FARP1: variants seen among roughly 807,000 people sequenced by gnomAD.
FARP1 encodes the protein FERM, ARH/RhoGEF and pleckstrin domain protein 1.
A neutral mutation model predicts 128.8 loss-of-function variants in FARP1; 52 were observed. The ratio of observed to expected loss-of-function variants is 0.40; its 90% CI spans 0.32 to 0.51. The LOEUF (loss-of-function observed/expected upper bound fraction) is 0.51. FARP1 is among the 20% of genes least tolerant of loss of function. FARP1 has a pLI of 0.45. For missense variants in FARP1, 1,333 were observed against 1,367.9 expected, an observed-to-expected ratio of 0.97 and a Z score of 0.40; for synonymous variants, 580 against 551.8, an observed-to-expected ratio of 1.05 and a Z score of -0.72.
At chr13:98,425,922 C>G (rs981322670) in intron 17 of FARP1, among the ~76,000 whole-genome samples, 1 of 152,134 alleles carries the variant, frequency 6.6e-6, no homozygotes, top group Non-Finnish European at 1.5e-5. Flanking sequence ...TACCTGTACT[C>G]ACATTTTAAA....
At chr13:98,273,318 C>A (rs1178718698) in intron 2 of FARP1, among the ~76,000 whole-genome samples, 1 of 152,158 alleles carries the variant, frequency 6.6e-6, no homozygotes, top group Non-Finnish European at 1.5e-5. Flanking sequence ...GGGACTTAAT[C>A]CTTGTCTGTT....
At chr13:98,431,690 G>A (rs1892035266) in intron 18 of FARP1, 1 of 155,322 alleles carries the variant, frequency 6.4e-6, no homozygotes, top group Non-Finnish European at 1.4e-5. Flanking sequence ...TCGAACTCCT[G>A]ACCTTGTGAT....
rs75016317 is a variant in FARP1 at position 98,206,446 on chromosome 13, G to A, written c.-23-6774G>A. Among the ~76,000 whole-genome samples, 770 of 152,232 alleles carry A rather than the reference G, an allele frequency of 5.1e-3. 7 individuals carry two copies. Among genetic ancestry groups the A allele is most frequent in the African/African-American group, 0.017 (722 of 41,540 alleles). ...TGTTATTCCAAGAAAGTTATGACTG[G>A]TTTGCTGCTTATTTGAAGCTCCGCC... On this transcript the variant is annotated intron_variant, in intron 1 of 26. Transcript: ENST00000319562.
intron 1 of FARP1, among the ~76,000 whole-genome samples, chr13:98,169,255 G>C (rs1877488736): frequency 6.6e-6 from 1 of 152,114 alleles, no homozygotes; most frequent in Non-Finnish European, 1.5e-5. Flanking sequence ...TCTAGGCGTA[G>C]TTCACAACCA....
At chr13:98,329,236 C>G (rs1221660710) in intron 2 of FARP1, 1 of 152,208 alleles carries the variant, frequency 6.6e-6, no homozygotes, top group African/African-American at 2.4e-5. Flanking sequence ...GTTTCCCTAT[C>G]GAAAGAATGT....
At chr13:98,376,119 T>G (rs1361037299) in intron 5 of FARP1, among the ~76,000 whole-genome samples, 1 of 152,196 alleles carries the variant, frequency 6.6e-6, no homozygotes, top group Non-Finnish European at 1.5e-5. Flanking sequence ...CCTTAAGTAT[T>G]TATCCTTTGT....
At chr13:98,388,761 A>C (rs1158422660) in intron 9 of FARP1, among the ~76,000 whole-genome samples, 1 of 152,206 alleles carries the variant, frequency 6.6e-6, no homozygotes, top group African/African-American at 2.4e-5. Context: ...GCCCCTCCTG[A>C]TAAACAACCT....
At chr13:98,183,234 T>G (rs1238948557) in intron 1 of FARP1, among the ~76,000 whole-genome samples, 1 of 152,210 alleles carries the variant, frequency 6.6e-6, no homozygotes, top group African/African-American at 2.4e-5. Flanking sequence ...TTACAGAAGC[T>G]TACACTATGT....
chr13:98,420,206 A>G (rs1001107335), intron 16 of FARP1, among the ~76,000 whole-genome samples: 1 of 152,072 alleles, frequency 6.6e-6, no homozygotes, highest in African/African-American at 2.4e-5. Flanking sequence ...TAGGAGGGCA[A>G]AGTATTGATT....
intron 11 of FARP1, among the ~76,000 whole-genome samples, chr13:98,392,328 A>G (rs1281799042): frequency 2.2e-5 from 3 of 134,976 alleles, no homozygotes; most frequent in East Asian, 3.9e-4. Context: ...CTACCCAAAA[A>G]AAAAAAAAAA....
chr13:98,425,583 T>G (rs967145653), intron 17 of FARP1: 1 of 151,882 alleles, frequency 6.6e-6, no homozygotes. Context: ...TTAGTAGATA[T>G]GGGGTTTATG....
chr13:98,366,216 A>G (rs565456612), intron 4 of FARP1, among the ~76,000 whole-genome samples: 1 of 152,294 alleles, frequency 6.6e-6, no homozygotes, highest in Admixed American at 6.5e-5. Context: ...GATCATTTGT[A>G]TGTCTGATTA....
intron 1 of FARP1, among the ~76,000 whole-genome samples, chr13:98,198,195 T>A (rs1418339465): frequency 2.0e-5 from 3 of 152,200 alleles, no homozygotes; most frequent in East Asian, 1.9e-4. Flanking sequence ...GAGCCAGAAA[T>A]TCACAGCAGT....
chr13:98,188,810 G>A (rs1879049569), intron 1 of FARP1, among the ~76,000 whole-genome samples: 1 of 152,194 alleles, frequency 6.6e-6, no homozygotes. Flanking sequence ...GTGTTCGGGG[G>A]GTGAAACGGG....
chr13:98,408,687 A>G (rs896713701), intron 13 of FARP1, among the ~76,000 whole-genome samples: 6 of 152,184 alleles, frequency 3.9e-5, no homozygotes, highest in African/African-American at 1.4e-4. Context: ...TGTCACTTTT[A>G]TCTTATAAAG....
intron 2 of FARP1, among the ~76,000 whole-genome samples, chr13:98,259,882 A>AAGTGTGTGT (rs1883786616): frequency 7.8e-6 from 1 of 128,770 alleles, no homozygotes; most frequent in Non-Finnish European, 1.6e-5. Flanking sequence ...ATACCTGAAA[A>AAGTGTGTGT]GTGTGTGTGT....
chr13:98,335,066 C>G (rs1371413647), intron 2 of FARP1, among the ~76,000 whole-genome samples: 3 of 152,236 alleles, frequency 2.0e-5, no homozygotes, highest in African/African-American at 7.2e-5. Flanking sequence ...ACATTAGGTA[C>G]TCCACTCTCA....
chr13:98,423,862 C>T (rs1480128583), intron 16 of FARP1, among the ~76,000 whole-genome samples: 1 of 152,142 alleles, frequency 6.6e-6, no homozygotes, highest in African/African-American at 2.4e-5. Context: ...TGCGTTGATC[C>T]GTTGAAAGGT....
Position 98,219,917 on chromosome 13 carries a change from C to T in FARP1, c.171+6504C>T, listed in dbSNP as rs144973384. Among the ~76,000 whole-genome samples, 65 of 152,280 alleles carry T rather than the reference C, an allele frequency of 4.3e-4. 3 individuals are homozygous for T. In the East Asian group the frequency reaches 0.013, roughly 29 times the overall value. ...CTCCTGGACTGAAGTGATCCTCCTG[C>T]ATTGGCCTCCTAAAGCGCTGTGATT... On this transcript the variant is annotated intron_variant, in intron 2 of 26. Coordinates refer to ENST00000319562, the MANE Select transcript of FARP1 (RefSeq NM_005766.4).
Sources: allele counts gnomAD v4.1 joint callset (sites outside exome capture counted in the v4.1 genomes callset), GRCh38; gene constraint gnomAD v4.1.1; transcripts MANE v1.5; gene names NCBI Gene and HGNC (gene_info 2026-07-23, HGNC 2026-07-21).